ADAMTS2: variants seen among roughly 807,000 people sequenced by gnomAD.
ADAMTS2 encodes the protein ADAM metallopeptidase with thrombospondin type 1 motif 2.
Under a neutral mutation model 123.0 loss-of-function variants are expected in ADAMTS2, and 50 were observed. The observed-to-expected ratio is 0.41, with a 90% CI of 0.32 to 0.51. The LOEUF is 0.51. Among genes scored for constraint, ADAMTS2 ranks in the 20% least tolerant of loss-of-function variants. ADAMTS2 has a pLI of 0.35. For synonymous variants in ADAMTS2, 678 were observed against 695.4 expected, an observed-to-expected ratio of 0.98 and a Z score of 0.39; for missense variants, 1,494 against 1,705.2, an observed-to-expected ratio of 0.88 and a Z score of 2.18.
At position 179,260,836 on chromosome 5, in the gene ADAMTS2, C is replaced by G. The variant is rs1404088468; in HGVS notation, c.688+12075G>C. Among the ~76,000 whole-genome samples, 1 of 152,198 alleles carries G rather than the reference C, an allele frequency of 6.6e-6. No individual in the cohort carries two copies. Among genetic ancestry groups the G allele is most frequent in the East Asian group, 1.9e-4 (1 of 5,188 alleles). On this transcript the variant is annotated intron_variant, in intron 3 of 21. Coordinates refer to ENST00000251582, the MANE Select transcript of ADAMTS2 (RefSeq NM_014244.5). This position sits in a 1 kb window ranked among gnomAD's most constrained non-coding sequence, Gnocchi z 4.2. ...CCAGGAACGCGTCACGTTCTTCTTG[C>G]TCCCTGCTGTTCCCGCTACTGCTTG...
intron 3 of ADAMTS2, among the ~76,000 whole-genome samples, chr5:179,223,655 C>G (rs1765198837): frequency 1.3e-5 from 2 of 150,626 alleles, no homozygotes; most frequent in South Asian, 4.2e-4. Context: ...CATACACTCA[C>G]AGACGCACAC....
intron 3 of ADAMTS2, among the ~76,000 whole-genome samples, chr5:179,243,917 G>C (rs1581216088): frequency 1.3e-5 from 2 of 152,236 alleles, no homozygotes; most frequent in Non-Finnish European, 2.9e-5. Flanking sequence ...ACAGTAGATT[G>C]GAACTGGCAG....
Position 179,155,393 on chromosome 5 carries a change from C to T in ADAMTS2, c.1133-474G>A, listed in dbSNP as rs1033842959. The stretch of plus-strand genomic sequence containing the variant: ...CTCCAAGCCCACCTCCTCTGGGGGG[C>T]GTTTCTTGGGTCTCCCCGTGTTTCT... On this transcript the variant is annotated intron_variant, in intron 6 of 21. Coordinates refer to ENST00000251582, the MANE Select transcript of ADAMTS2 (RefSeq NM_014244.5). This position sits in a 1 kb window ranked among gnomAD's most constrained non-coding sequence, Gnocchi z 5.1. Among the ~76,000 whole-genome samples, 2 of 152,326 alleles carry T rather than the reference C, an allele frequency of 1.3e-5. No individual in the cohort carries two copies. The highest frequency in any genetic ancestry group is 4.8e-5 in the African/African-American group (2 of 41,578).
chr5:179,253,918 C>G (rs915247449), intron 3 of ADAMTS2, among the ~76,000 whole-genome samples: 1 of 152,214 alleles, frequency 6.6e-6, no homozygotes, highest in Non-Finnish European at 1.5e-5. Flanking sequence ...GGGCTGGGAG[C>G]TGTGGTTCCT....
At position 179,139,969 on chromosome 5, in the gene ADAMTS2, C is replaced by A. The variant is rs765909622; in HGVS notation, c.1696G>T (p.Ala566Ser). ...DILKRDGSWG[A>S]WSPFGSCSRT... is the part of the protein sequence containing the mutation. ...GAGCAGGAGCCAAACGGACTCCAAG[C>A]GCCCCAGCTGCCGTCCCGTTTGAGG... The change falls in exon 11 of 22, where the codon GCT becomes TCT. Residue 566 changes from alanine to serine, a missense_variant. Transcript: ENST00000251582. 1.9e-6 allele frequency: 3 copies of A among 1,613,972 alleles called. No individual in the cohort carries two copies. Among genetic ancestry groups the A allele is most frequent in the South Asian group, 2.2e-5 (2 of 91,078 alleles).
intron 3 of ADAMTS2, among the ~76,000 whole-genome samples, chr5:179,220,896 G>A (rs1281223820): frequency 3.3e-5 from 5 of 152,158 alleles, no homozygotes; most frequent in South Asian, 2.1e-4. Context: ...CAACACAAGC[G>A]GGAGGTCTCA....
chr5:179,229,275 C>G (rs1187121065), intron 3 of ADAMTS2, among the ~76,000 whole-genome samples: 1 of 151,888 alleles, frequency 6.6e-6, no homozygotes. Flanking sequence ...CCCCGCTGCC[C>G]ACTCCCGACG....
In ADAMTS2 at chr5:179,113,164, GTTT is replaced by G. The variant is rs968441863; in HGVS notation, c.*700_*702del. The stretch of plus-strand genomic sequence containing the variant: ...TTCTGAGTCGACCTTTAAAGATTGA[GTTT>G]TTTTCATGCAAAAATCTAGACTTCT... On this transcript the variant is annotated 3_prime_UTR_variant, in exon 22 of 22. Transcript: ENST00000251582. 1 of 153,306 alleles carries G rather than the reference GTTT, an allele frequency of 6.5e-6. No individual in the cohort carries two copies. The highest frequency in any genetic ancestry group is 2.4e-5 in the African/African-American group (1 of 41,398). 9.5% of individuals were successfully genotyped at this position (153,306 alleles called of 1,614,324 possible). A position where few individuals can be genotyped will look rare whatever the true frequency, so the allele number is the denominator to read the frequency against.
chr5:179,189,561 G>T lies in ADAMTS2; in HGVS notation c.892-8406C>A, dbSNP rs1764255866. Among the ~76,000 whole-genome samples, 1 of 106,908 alleles carries T rather than the reference G, an allele frequency of 9.4e-6. No homozygotes were observed. Among genetic ancestry groups the T allele is most frequent in the South Asian group, 3.5e-4 (1 of 2,864 alleles). The allele number at this position is 106,908 out of a possible 152,430, so 70.1% of individuals were successfully genotyped here. A position where few individuals can be genotyped will look rare whatever the true frequency, so the allele number is the denominator to read the frequency against. On this transcript the variant is annotated intron_variant, in intron 4 of 21. Transcript: ENST00000251582. The surrounding 1 kb of genome is among the most constrained non-coding windows in gnomAD (Gnocchi z 4.2). The stretch of plus-strand genomic sequence containing the variant: ...TTTAGTAGAGGCAGGGTTTCACAAT[G>T]TTAGCCAGGATGGTCTTGATCTCCT...
At chr5:179,216,052 C>CA (rs1318286091) in intron 3 of ADAMTS2, among the ~76,000 whole-genome samples, 36 of 152,130 alleles carry the variant, frequency 2.4e-4, no homozygotes, top group Non-Finnish European at 3.8e-4. Context: ...CCATCAAAAA[C>CA]AAAAAAGGCA....
At chr5:179,263,802 G>A (rs534855682) in intron 3 of ADAMTS2, among the ~76,000 whole-genome samples, 5 of 152,374 alleles carry the variant, frequency 3.3e-5, no homozygotes, top group South Asian at 2.1e-4. Context: ...GAAGACAGAC[G>A]CCAGCACGCC....
At chr5:179,309,757 C>CAAAA (rs34487269) in intron 2 of ADAMTS2, among the ~76,000 whole-genome samples, 9 of 44,470 alleles carry the variant, frequency 2.0e-4, no homozygotes, top group East Asian at 9.2e-4. Flanking sequence ...ACTCAGTCTC[C>CAAAA]AAAAAAAAAA....
intron 3 of ADAMTS2, among the ~76,000 whole-genome samples, chr5:179,208,261 G>A (rs996331868): frequency 2.0e-5 from 3 of 151,202 alleles, no homozygotes; most frequent in South Asian, 2.1e-4. Flanking sequence ...TATGACTGGG[G>A]AAACCGAGGC....
chr5:179,172,425 C>G (rs1387092233), intron 5 of ADAMTS2, among the ~76,000 whole-genome samples: 1 of 152,248 alleles, frequency 6.6e-6, no homozygotes, highest in Non-Finnish European at 1.5e-5. Context: ...AGAACTTCTG[C>G]AGGCAAGGCG....
At position 179,338,585 on chromosome 5, in the gene ADAMTS2, C is replaced by T. The variant is rs116719056; in HGVS notation, c.534+5182G>A. Among the ~76,000 whole-genome samples the T allele has an allele frequency of 1.5e-3, 231 of 152,294 alleles. 1 individual carries two copies. The highest frequency in any genetic ancestry group is 5.3e-3 in the African/African-American group (222 of 41,560). ...TTCTGCCTCCTGCAGCCCTTTCTCC[C>T]GGAGTCTCATTCCAGACCAGCAGAG... On this transcript the variant is annotated intron_variant, in intron 2 of 21. Transcript: ENST00000251582.
At chr5:179,190,389 G>A (rs1273916717) in intron 4 of ADAMTS2, among the ~76,000 whole-genome samples, 1 of 152,154 alleles carries the variant, frequency 6.6e-6, no homozygotes, top group African/African-American at 2.4e-5. Flanking sequence ...TAGAATGATT[G>A]GTGATGGCCT....
Position 179,189,653 on chromosome 5 carries a change from G to A in ADAMTS2, c.892-8498C>T, listed in dbSNP as rs535725327. On this transcript the variant is annotated intron_variant, in intron 4 of 21. Coordinates refer to ENST00000251582, the MANE Select transcript of ADAMTS2 (RefSeq NM_014244.5). The surrounding 1 kb of genome is among the most constrained non-coding windows in gnomAD (Gnocchi z 4.2). ...ATTACAGGCGTGAGCCACCGCGCCCGGCCAGGAGCAATTTTTTGTGGGCTG... is the reference window on the plus strand; with the variant it reads ...ATTACAGGCGTGAGCCACCGCGCCCAGCCAGGAGCAATTTTTTGTGGGCTG... 6.6e-5 allele frequency among the ~76,000 whole-genome samples: 10 copies of A among 150,826 alleles called. No individual in the cohort carries two copies. The highest frequency in any genetic ancestry group is 2.1e-4 in the South Asian group (1 of 4,702).
At chr5:179,241,183 C>T (rs114466850) in intron 3 of ADAMTS2, among the ~76,000 whole-genome samples, 86 of 152,284 alleles carry the variant, frequency 5.6e-4, no homozygotes, top group African/African-American at 1.9e-3. Flanking sequence ...CTTCGAGAAC[C>T]GGAGGCCATG....
intron 10 of ADAMTS2, among the ~76,000 whole-genome samples, chr5:179,149,983 G>GGGTGGGCTGCGGCC (rs1385869566): frequency 2.6e-5 from 4 of 152,204 alleles, no homozygotes; most frequent in Admixed American, 2.6e-4. Flanking sequence ...TGGTCTCTGT[G>GGGTGGGCTGCGGCC]AGGTGGGGAC....
Sources: allele counts gnomAD v4.1 joint callset (sites outside exome capture counted in the v4.1 genomes callset), GRCh38; gene constraint gnomAD v4.1.1; non-coding constraint Gnocchi (gnomAD v3.1); transcripts MANE v1.5; gene names NCBI Gene and HGNC (gene_info 2026-07-23, HGNC 2026-07-21).